The following EPHX4 variants were observed in gnomAD, a reference collection of about 807,000 sequenced individuals.
EPHX4 encodes epoxide hydrolase 4.
Under a neutral mutation model 44.9 loss-of-function variants are expected in EPHX4, and 31 were observed. The observed-to-expected ratio is 0.69, with a 90% confidence interval of 0.52 to 0.93. The LOEUF (loss-of-function observed/expected upper bound fraction) is 0.93. EPHX4 is among the 40% of genes least tolerant of loss of function. EPHX4 has a pLI of 0.00. For missense variants in EPHX4, 373 were observed against 438.1 expected, an observed-to-expected ratio of 0.85 and a Z score of 1.33; for synonymous variants, 151 against 159.7, an observed-to-expected ratio of 0.95 and a Z score of 0.41.
chr1:92,039,756 C>T (rs550999404), intron 2 of EPHX4, among the ~76,000 whole-genome samples: 9 of 152,146 alleles, frequency 5.9e-5, no homozygotes, highest in South Asian at 2.1e-4. Context: ...CGGGTTCAAG[C>T]GATTCTCCTG....
At chr1:92,042,731 A>C in intron 2 of EPHX4, 92 bp from the exon 3 acceptor site, 5 of 1,247,658 alleles carry the variant, frequency 4.0e-6, no homozygotes, top group Non-Finnish European at 5.4e-6. Flanking sequence ...TCTCAAAAAA[A>C]AAAAAAAAAA....
chr1:92,034,835 T>G (rs1174909706), intron 2 of EPHX4, among the ~76,000 whole-genome samples: 2 of 151,992 alleles, frequency 1.3e-5, no homozygotes, highest in East Asian at 3.9e-4. Flanking sequence ...GACAAAGTTT[T>G]ACCATGTTAA....
intron 2 of EPHX4, among the ~76,000 whole-genome samples, chr1:92,035,500 C>T (rs1688424645): frequency 6.6e-6 from 1 of 152,152 alleles, no homozygotes; most frequent in Admixed American, 6.5e-5. Flanking sequence ...CATTTTCTTC[C>T]TTCATTCCCA....
chr1:92,063,325 T>A lies in EPHX4; in HGVS notation c.*39T>A. Reference sequence around the variant, plus strand: ...TCTATGAAGGGTCTGTAATGAAATCTCTAAATAATTTTTAAAAATTGTTCA... The same window carrying A: ...TCTATGAAGGGTCTGTAATGAAATCACTAAATAATTTTTAAAAATTGTTCA... On this transcript the variant is annotated 3_prime_UTR_variant, in exon 7 of 7. Transcript: ENST00000370383. 1 of 1,391,776 alleles carries A rather than the reference T, an allele frequency of 7.2e-7. No individual in the cohort carries two copies. The highest frequency in any genetic ancestry group is 9.5e-7 in the Non-Finnish European group (1 of 1,048,438). 86.2% of individuals were successfully genotyped at this position (1,391,776 alleles called of 1,614,324 possible). A position where few individuals can be genotyped will look rare whatever the true frequency, so the allele number is the denominator to read the frequency against.
intron 2 of EPHX4, among the ~76,000 whole-genome samples, chr1:92,033,739 G>T (rs1186736702): frequency 7.2e-5 from 11 of 152,116 alleles, no homozygotes; most frequent in Admixed American, 6.5e-5. Context: ...ATAAAGAATA[G>T]AAATTTATTT....
At chr1:92,062,689 A>G (rs1329126249) in intron 6 of EPHX4, among the ~76,000 whole-genome samples, 1 of 151,834 alleles carries the variant, frequency 6.6e-6, no homozygotes, top group East Asian at 1.9e-4. Context: ...GCCTCATCCA[A>G]TTTAAATTTT....
chr1:92,032,731 G>C (rs1688380095), intron 2 of EPHX4, 141 bp downstream of exon 2: 1 of 714,554 alleles, frequency 1.4e-6, no homozygotes, highest in Non-Finnish European at 2.3e-6. Flanking sequence ...CTGGAGGCTG[G>C]GAAGTTCAGG....
At position 92,030,057 on chromosome 1, in the gene EPHX4, G is replaced by C. The variant is rs1688330054; in HGVS notation, c.-23G>C. On this transcript the variant is annotated 5_prime_UTR_variant, in exon 1 of 7. Transcript: ENST00000370383. ...GCTCACCCGCTCCCGAGGAAGGGCAGTGGGCCCCGCCGCCGCCTCCCAATG... is the reference window on the plus strand; with the variant it reads ...GCTCACCCGCTCCCGAGGAAGGGCACTGGGCCCCGCCGCCGCCTCCCAATG... 6 of 1,549,250 alleles carry C rather than the reference G, an allele frequency of 3.9e-6. No individual in the cohort carries two copies. The South Asian group carries it at 7.2e-5, about 18-fold the overall frequency.
intron 5 of EPHX4, among the ~76,000 whole-genome samples, chr1:92,051,238 A>T (rs1416045238): frequency 6.6e-6 from 1 of 151,456 alleles, no homozygotes; most frequent in Non-Finnish European, 1.5e-5. Flanking sequence ...CTGTGATGGG[A>T]TAAGAACTTA....
chr1:92,032,295 G>A (rs1363154360), intron 1 of EPHX4, among the ~76,000 whole-genome samples: 1 of 152,088 alleles, frequency 6.6e-6, no homozygotes, highest in Non-Finnish European at 1.5e-5. Flanking sequence ...AATAGGTCAT[G>A]GGGTTTGCTT....
chr1:92,034,453 G>A (rs1340649159), intron 2 of EPHX4, among the ~76,000 whole-genome samples: 1 of 151,980 alleles, frequency 6.6e-6, no homozygotes, highest in Non-Finnish European at 1.5e-5. Flanking sequence ...ACTCAAAGGT[G>A]GAATATCTGG....
intron 2 of EPHX4, among the ~76,000 whole-genome samples, chr1:92,036,938 T>C (rs1057078997): frequency 1.3e-4 from 20 of 152,060 alleles, no homozygotes; most frequent in Non-Finnish European, 2.2e-4. Context: ...GTCAATCTCA[T>C]TGAGGTGCTA....
chr1:92,056,184 A>C (rs989374913), intron 6 of EPHX4, among the ~76,000 whole-genome samples: 1 of 152,176 alleles, frequency 6.6e-6, no homozygotes, highest in Admixed American at 6.5e-5. Flanking sequence ...AGATAAGCAA[A>C]GCTGAGTATA....
intron 6 of EPHX4, among the ~76,000 whole-genome samples, chr1:92,056,519 T>C (rs927771959): frequency 6.6e-6 from 1 of 152,144 alleles, no homozygotes; most frequent in African/African-American, 2.4e-5. Flanking sequence ...CTCTCTGAAG[T>C]TGATCAATCA....
intron 6 of EPHX4, 94 bp from the exon 7 acceptor site, chr1:92,062,961 C>A: frequency 2.8e-6 from 3 of 1,066,770 alleles, no homozygotes; most frequent in South Asian, 1.6e-5. Context: ...CAAGATTGCT[C>A]ACTTCAAGAA....
chr1:92,058,709 G>T (rs909834560), intron 6 of EPHX4, among the ~76,000 whole-genome samples: 10 of 151,926 alleles, frequency 6.6e-5, no homozygotes, highest in African/African-American at 2.4e-4. Flanking sequence ...AAACATCAAG[G>T]GTGTTTTGCA....
intron 4 of EPHX4, among the ~76,000 whole-genome samples, chr1:92,047,188 G>T (rs2101871544): frequency 6.6e-6 from 1 of 152,286 alleles, no homozygotes; most frequent in Admixed American, 6.5e-5. Context: ...AAATACCCAT[G>T]TCTGACTGAT....
intron 6 of EPHX4, among the ~76,000 whole-genome samples, chr1:92,056,808 A>C (rs553719841): frequency 1.4e-4 from 21 of 152,246 alleles, no homozygotes; most frequent in Middle Eastern, 3.4e-3. Flanking sequence ...AATATTACAA[A>C]TATTGATTAC....
In EPHX4 at chr1:92,042,975, C is replaced by A. The variant is rs1408771277; in HGVS notation, c.470C>A (p.Ser157Tyr). The A allele has an allele frequency of 1.3e-6, 2 of 1,596,928 alleles. No homozygotes were observed. Among genetic ancestry groups the A allele is most frequent in the Non-Finnish European group, 8.5e-7 (1 of 1,171,152 alleles). The stretch of plus-strand genomic sequence containing the variant: ...ACAGATATAAAGGATATTTTAGATT[C>A]TTTAGGTAGGTTAGTTTGAAACAAA... Reference protein sequence around the residue: ...LITDIKDILDSLGYSKCVLIG... With the variant: ...LITDIKDILDYLGYSKCVLIG... Residue 157 changes from serine to tyrosine, a missense_variant, in exon 3 of 7, where the codon TCT (serine) becomes TAT (tyrosine). By Grantham distance (144) the Ser-to-Tyr change is moderately radical (BLOSUM62 -2). Coordinates refer to ENST00000370383, the MANE Select transcript of EPHX4 (RefSeq NM_173567.5).
Sources: gnomAD v4.1 joint callset for allele counts (sites outside exome capture counted in the v4.1 genomes callset) on GRCh38, gnomAD v4.1.1 for gene constraint, MANE v1.5 for transcripts, NCBI Gene and HGNC (gene_info 2026-07-23, HGNC 2026-07-21) for gene names.